Variants in HTR3E observed in about 807,000 individuals in gnomAD.
The protein encoded by HTR3E is 5-hydroxytryptamine receptor 3E.
HTR3E carries 38 observed loss-of-function variants against 38.0 expected under a neutral mutation model. The ratio of observed to expected loss-of-function variants is 1.00; its 90% CI spans 0.77 to 1.31. The LOEUF is 1.31. HTR3E is among the 50% of genes most tolerant of loss of function. HTR3E has a pLI of 0.00. For synonymous variants in HTR3E, 210 were observed against 232.9 expected, an observed-to-expected ratio of 0.90 and a Z score of 0.89; for missense variants, 547 against 585.2, an observed-to-expected ratio of 0.93 and a Z score of 0.67.
At chr3:184,103,234 C>G (rs561556332) in intron 3 of HTR3E, among the ~76,000 whole-genome samples, 30 of 152,220 alleles carry the variant, frequency 2.0e-4, no homozygotes, top group Non-Finnish European at 4.3e-4. Context: ...ATAATCCCAG[C>G]TCTTTGGGAG....
chr3:184,106,089 T>C lies in HTR3E; in HGVS notation c.926-39T>C. ...GGATTGGAAGAGAAGAAATTCTAGGTGGTGCCTCTGGCCCTCACTAGGCCC... is the reference window on the plus strand; with the variant it reads ...GGATTGGAAGAGAAGAAATTCTAGGCGGTGCCTCTGGCCCTCACTAGGCCC... On this transcript the variant is annotated intron_variant, in intron 7 of 8. Coordinates refer to ENST00000415389, the MANE Select transcript of HTR3E (RefSeq NM_001256613.2). This position sits in a 1 kb window ranked among gnomAD's most constrained non-coding sequence, Gnocchi z 4.1. The C allele has an allele frequency of 6.2e-7, 1 of 1,613,010 alleles. No individual in the cohort carries two copies. Among genetic ancestry groups the C allele is most frequent in the Non-Finnish European group, 8.5e-7 (1 of 1,179,170 alleles).
intron 4 of HTR3E, 84 bp downstream of exon 4, chr3:184,104,375 T>C (rs924356217): frequency 1.3e-6 from 2 of 1,536,428 alleles, no homozygotes; most frequent in African/African-American, 2.8e-5. Context: ...CCACTGTAAG[T>C]GGTCTTTAGA....
At chr3:184,104,641 C>A in intron 4 of HTR3E, 146 bp from the exon 5 acceptor site, 1 of 687,458 alleles carries the variant, frequency 1.5e-6, no homozygotes. Context: ...CATTTGAGCC[C>A]AGGACATGGA....
In HTR3E at chr3:184,105,839, T is replaced by C; in HGVS notation, c.795T>C (p.Asp265=). The C allele has an allele frequency of 6.2e-7, 1 of 1,614,156 alleles. No individual in the cohort carries two copies. Among genetic ancestry groups the C allele is most frequent in the Non-Finnish European group, 8.5e-7 (1 of 1,180,026 alleles). The change falls in exon 7 of 9, where the codon GAT becomes GAC. Residue 265 remains aspartate, a synonymous_variant. Coordinates refer to ENST00000415389, the MANE Select transcript of HTR3E (RefSeq NM_001256613.2). ...LVPSGFLVAI[D]ALSFYLPVKS... is the part of the protein sequence containing the mutation. Reference sequence around the variant, plus strand: ...CCAGTGGCTTTCTGGTTGCCATCGATGCCCTCAGCTTCTACCTGCCAGTGA... The same window carrying C: ...CCAGTGGCTTTCTGGTTGCCATCGACGCCCTCAGCTTCTACCTGCCAGTGA...
chr3:184,100,403 C>T, intron 1 of HTR3E, 82 bp from the exon 2 acceptor site: 1 of 1,613,922 alleles, frequency 6.2e-7, no homozygotes, highest in Non-Finnish European at 8.5e-7. Context: ...ACGGGCGACC[C>T]CACGCCCTGC....
At chr3:184,099,521 T>C (rs1023355348) in intron 1 of HTR3E, among the ~76,000 whole-genome samples, 20 of 151,734 alleles carry the variant, frequency 1.3e-4, no homozygotes, top group Non-Finnish European at 1.2e-4. Flanking sequence ...GAGACCATCC[T>C]GGCTAACAAG....
In HTR3E at chr3:184,106,276, G is replaced by A. The variant is rs144218201; in HGVS notation, c.1074G>A (p.Gly358=). The change falls in exon 8 of 9, where the codon GGG becomes GGA. Residue 358 remains glycine (G), a synonymous_variant. Transcript: ENST00000415389. This position sits in a 1 kb window ranked among gnomAD's most constrained non-coding sequence, Gnocchi z 4.1. ...TGCTGCTCCACTGCAACAGCCCGGGGAGATGCTGTCCCACTGCGCCCCAGA... is the reference window on the plus strand; with the variant it reads ...TGCTGCTCCACTGCAACAGCCCGGGAAGATGCTGTCCCACTGCGCCCCAGA... ...HSLLLHCNSP[G]RCCPTAPQKE... The A allele has an allele frequency of 3.5e-5, 57 of 1,613,172 alleles. No homozygotes were observed. Among genetic ancestry groups the A allele is most frequent in the Admixed American group, 2.3e-4 (14 of 59,978 alleles).
At chr3:184,100,692 C>G in intron 2 of HTR3E, 41 bp downstream of exon 2, 1 of 1,588,316 alleles carries the variant, frequency 6.3e-7, no homozygotes, top group Non-Finnish European at 8.6e-7. Flanking sequence ...TGTCCTTAAC[C>G]TTTTTCCAGC....
chr3:184,106,654 C>T lies in HTR3E; in HGVS notation c.1332C>T (p.Ala444=), dbSNP rs1391894413. ...TCCGCCTCTACCTGCTCTTCATGGC[C>T]TCCTCTATCATCACCGTCATATGCC... ...MLFRLYLLFM[A]SSIITVICLW... is the part of the protein sequence containing the mutation. The change falls in exon 9 of 9, where the codon GCC becomes GCT. Residue 444 remains alanine, a synonymous_variant. Coordinates refer to ENST00000415389, the MANE Select transcript of HTR3E (RefSeq NM_001256613.2). This position sits in a 1 kb window ranked among gnomAD's most constrained non-coding sequence, Gnocchi z 4.1. 2 of 1,614,070 alleles carry T rather than the reference C, an allele frequency of 1.2e-6. No homozygotes were observed. The highest frequency in any genetic ancestry group is 2.7e-5 in the African/African-American group (2 of 74,918).
intron 4 of HTR3E, 99 bp from the exon 5 acceptor site, chr3:184,104,688 G>C: frequency 1.8e-6 from 2 of 1,103,988 alleles, no homozygotes; most frequent in Non-Finnish European, 2.5e-6. Context: ...CTCTACTCCA[G>C]CCTGGGTGAC....
At chr3:184,099,390 A>C (rs889258772) in intron 1 of HTR3E, among the ~76,000 whole-genome samples, 9 of 152,114 alleles carry the variant, frequency 5.9e-5, no homozygotes, top group African/African-American at 2.2e-4. Flanking sequence ...TCGCTGTCTC[A>C]AAAAACCCCC....
chr3:184,104,250 A>T lies in HTR3E; in HGVS notation c.348A>T (p.Ala116=). 6.2e-7 allele frequency: 1 copy of T among 1,613,624 alleles called. No individual in the cohort carries two copies. The highest frequency in any genetic ancestry group is 8.5e-7 in the Non-Finnish European group (1 of 1,179,828). ...ECEGITKMSM[A]AKNLWLPDIF... ...AGGGCATCACGAAGATGAGTATGGCAGCCAAGAACCTGTGGCTCCCAGACA... is the reference window on the plus strand; with the variant it reads ...AGGGCATCACGAAGATGAGTATGGCTGCCAAGAACCTGTGGCTCCCAGACA... Residue 116 remains alanine (A), a synonymous_variant, in exon 4 of 9, where the codon GCA becomes GCT. Transcript: ENST00000415389.
chr3:184,106,375 T>C lies in HTR3E; in HGVS notation c.1141+32T>C, dbSNP rs1560097957. ...GAAGTCACATTCCTCTTCCCCCACC[T>C]CCACTTCTCTGCTCCTGCCTCCTTC... On this transcript the variant is annotated intron_variant, in intron 8 of 8. Coordinates refer to ENST00000415389, the MANE Select transcript of HTR3E (RefSeq NM_001256613.2). The surrounding 1 kb of genome is among the most constrained non-coding windows in gnomAD (Gnocchi z 4.1). 1 of 1,582,762 alleles carries C rather than the reference T, an allele frequency of 6.3e-7. No homozygotes were observed. The highest frequency in any genetic ancestry group is 1.1e-5 in the South Asian group (1 of 87,974).
chr3:184,098,493 G>C (rs1195224616), intron 1 of HTR3E, among the ~76,000 whole-genome samples: 1 of 152,184 alleles, frequency 6.6e-6, no homozygotes, highest in East Asian at 1.9e-4. Flanking sequence ...ACAGGGAAGA[G>C]ACACAAATTG....
chr3:184,104,434 A>C, intron 4 of HTR3E, 143 bp downstream of exon 4: 1 of 1,323,140 alleles, frequency 7.6e-7, no homozygotes. Context: ...AGCCAGGCGC[A>C]GTGGCTAATG....
In HTR3E at chr3:184,106,296, C is replaced by T. The variant is rs111839590; in HGVS notation, c.1094C>T (p.Pro365Leu). The T allele has an allele frequency of 9.9e-6, 16 of 1,613,478 alleles. No homozygotes were observed. In the African/African-American group the frequency reaches 1.1e-4, roughly 11 times the overall value. Reference sequence around the variant, plus strand: ...CCGGGGAGATGCTGTCCCACTGCGCCCCAGAAGGAAAATAAGGGCCCGGGT... The same window carrying T: ...CCGGGGAGATGCTGTCCCACTGCGCTCCAGAAGGAAAATAAGGGCCCGGGT... ...NSPGRCCPTA[P>L]QKENKGPGLT... The change falls in exon 8 of 9, where the codon CCC becomes CTC. Residue 365 changes from proline (P) to leucine (L), a missense_variant. Coordinates refer to ENST00000415389, the MANE Select transcript of HTR3E (RefSeq NM_001256613.2). The surrounding 1 kb of genome is among the most constrained non-coding windows in gnomAD (Gnocchi z 4.1).
intron 1 of HTR3E, among the ~76,000 whole-genome samples, chr3:184,099,878 G>T (rs1224720515): frequency 2.0e-5 from 3 of 152,160 alleles, no homozygotes; most frequent in Non-Finnish European, 2.9e-5. Flanking sequence ...GTGAAAACAG[G>T]TGTGTTCTCT....
rs1283167337 is a variant in HTR3E at position 184,097,843 on chromosome 3, G to A, written c.67+247G>A. On this transcript the variant is annotated intron_variant, in intron 1 of 8. Coordinates refer to ENST00000415389, the MANE Select transcript of HTR3E (RefSeq NM_001256613.2). The stretch of plus-strand genomic sequence containing the variant: ...TCTCGAAAAATAGAGTTCAACACCA[G>A]CAAACTTTATCCTTTCACATATGGA... 3.3e-5 allele frequency among the ~76,000 whole-genome samples: 5 copies of A among 152,100 alleles called. No individual in the cohort carries two copies. In the East Asian group the frequency reaches 9.6e-4, roughly 29 times the overall value.
chr3:184,101,602 G>A (rs995023902), intron 3 of HTR3E, 73 bp downstream of exon 3: 1 of 1,204,990 alleles, frequency 8.3e-7, no homozygotes. Context: ...TAATAATTAT[G>A]AATTTTTATG....
Sources: gnomAD v4.1 joint callset for allele counts (sites outside exome capture counted in the v4.1 genomes callset) on GRCh38, gnomAD v4.1.1 for gene constraint, Gnocchi (gnomAD v3.1) non-coding constraint, MANE v1.5 for transcripts, NCBI Gene and HGNC (gene_info 2026-07-23, HGNC 2026-07-21) for gene names.